Variants in SYMPK observed in about 807,000 individuals in gnomAD.
The protein encoded by SYMPK is symplekin scaffold protein, also known as symplekin.
SYMPK carries 49 observed loss-of-function variants against 136.4 expected under a neutral mutation model. The observed-to-expected ratio is 0.36, with a 90% CI of 0.29 to 0.46. The LOEUF (loss-of-function observed/expected upper bound fraction) is 0.46. Ranked by LOEUF, SYMPK falls within the 20% of genes least tolerant of loss-of-function variation. The pLI is 1.00. For missense variants in SYMPK, 1,365 were observed against 1,690.0 expected (o/e 0.81, Z 3.37); for synonymous variants, 766 against 713.0 (o/e 1.07, Z -1.19).
chr19:45,858,084 C>A (rs1054790169), intron 1 of SYMPK, among the ~76,000 whole-genome samples: 4 of 152,170 alleles, frequency 2.6e-5, no homozygotes, highest in Non-Finnish European at 4.4e-5. Context: ...CAGGTGTGAG[C>A]CACAGCGCCC....
At chr19:45,828,767 G>A (rs1971103477) in intron 14 of SYMPK, 2 of 600,604 alleles carry the variant, frequency 3.3e-6, no homozygotes, top group Non-Finnish European at 3.0e-6. Context: ...AACAGCTCAG[G>A]GAGTGCGACC....
chr19:45,831,568 A>T lies in SYMPK; in HGVS notation c.1414T>A (p.Cys472Ser). 1 of 1,607,768 alleles carries T rather than the reference A, an allele frequency of 6.2e-7. No homozygotes were observed. ...LGPGVEQTKQ[C>S]KEEPKEEKVV... Reference sequence around the variant, plus strand: ...TTCTCCTCCTTGGGCTCCTCCTTGCACTGTTTGGTCTGCTCTACACCTGAG... The same window carrying T: ...TTCTCCTCCTTGGGCTCCTCCTTGCTCTGTTTGGTCTGCTCTACACCTGAG... Residue 472 changes from cysteine to serine, a missense_variant, in exon 12 of 27, where the codon TGC (cysteine) becomes AGC (serine). By Grantham distance (112) the Cys-to-Ser change is moderately radical. This residue lies in a region of SYMPK where 46 missense variants were observed against 63.9 expected (regional missense o/e 0.72). Coordinates refer to ENST00000245934, the MANE Select transcript of SYMPK (RefSeq NM_004819.3).
At chr19:45,862,214 C>T (rs1030262703) in intron 1 of SYMPK, among the ~76,000 whole-genome samples, 2 of 152,018 alleles carry the variant, frequency 1.3e-5, no homozygotes, top group African/African-American at 4.8e-5. Context: ...ATTATAGTTT[C>T]TTTCAGCCAA....
intron 1 of SYMPK, chr19:45,855,888 A>T (rs1398495822): frequency 6.6e-6 from 1 of 152,016 alleles, no homozygotes; most frequent in Non-Finnish European, 1.5e-5. Flanking sequence ...CCAGCTACTC[A>T]GGGAGGTGAA....
chr19:45,816,361 G>C (rs956632981), intron 25 of SYMPK, 121 bp downstream of exon 25: 3 of 1,351,438 alleles, frequency 2.2e-6, no homozygotes, highest in Non-Finnish European at 3.0e-6. Flanking sequence ...GAGACGGGTG[G>C]CCCAGAGGCA....
intron 10 of SYMPK, 77 bp from the exon 11 acceptor site, chr19:45,835,305 T>C: frequency 1.4e-6 from 2 of 1,431,284 alleles, no homozygotes; most frequent in Non-Finnish European, 1.9e-6. Flanking sequence ...ATGCCAATAC[T>C]GGGGAAATGG....
At chr19:45,819,870 A>G (rs1970848721) in intron 22 of SYMPK, 1 of 152,008 alleles carries the variant, frequency 6.6e-6, no homozygotes, top group African/African-American at 2.4e-5. Flanking sequence ...AACCAGGAAG[A>G]CTGCTGGTGC....
chr19:45,834,373 C>A (rs1971252919), intron 11 of SYMPK, among the ~76,000 whole-genome samples: 1 of 151,332 alleles, frequency 6.6e-6, no homozygotes, highest in South Asian at 2.1e-4. Context: ...GCAGGAGAAT[C>A]ATTTGAACTT....
chr19:45,838,899 C>T (rs1053990796), intron 9 of SYMPK, among the ~76,000 whole-genome samples: 2 of 152,154 alleles, frequency 1.3e-5, no homozygotes, highest in African/African-American at 4.8e-5. Context: ...ATTATTATTA[C>T]TATTTTTTGA....
intron 10 of SYMPK, among the ~76,000 whole-genome samples, chr19:45,838,042 CG>C (rs1028040847): frequency 1.3e-5 from 2 of 152,122 alleles, no homozygotes; most frequent in Admixed American, 1.3e-4. Context: ...TTACAATCCC[CG>C]ATGTGGGAGG....
In SYMPK at chr19:45,845,913, T is replaced by C. The variant is rs531877976; in HGVS notation, c.677-1713A>G. ...TTAACTGGGGTGAGACATTTCATTG[T>C]AGTTTTGACTTGAACGCCACATTAT... On this transcript the variant is annotated intron_variant, in intron 7 of 26. Coordinates refer to ENST00000245934, the MANE Select transcript of SYMPK (RefSeq NM_004819.3). 4.1e-4 allele frequency among the ~76,000 whole-genome samples: 63 copies of C among 152,318 alleles called. No homozygotes were observed. The South Asian group carries it at 4.1e-3, about 10-fold the overall frequency.
rs767382080 is a variant in SYMPK, at chr19:45,830,090, C to T, written c.1713G>A (p.Arg571=). ...CGCTGCAGGCCACAGCCTTCTCAGC[C>T]CGCAGGATCCGCTTCACAGCGCCCA... ...MKLGAVKRIL[R]AEKAVACSGA... The change falls in exon 13 of 27, where the codon CGG becomes CGA. Residue 571 remains arginine, a synonymous_variant. Transcript: ENST00000245934. The T allele has an allele frequency of 1.3e-6, 2 of 1,564,422 alleles. No individual in the cohort carries two copies. Among genetic ancestry groups the T allele is most frequent in the South Asian group, 2.3e-5 (2 of 85,628 alleles).
chr19:45,821,633 A>G lies in SYMPK; in HGVS notation c.2792-148T>C. The G allele has an allele frequency of 1.5e-6, 1 of 646,556 alleles. No homozygotes were observed. Among genetic ancestry groups the G allele is most frequent in the Non-Finnish European group, 2.7e-6 (1 of 366,678 alleles). The allele number at this position is 646,556 out of a possible 1,614,324, so 40.1% of individuals were successfully genotyped here. ...TGGAACAGGGGAAGCGACTGACAAC[A>G]TAAAAAGGGGACACCGAAGGCAGCA... On this transcript the variant is annotated intron_variant, in intron 21 of 26. Coordinates refer to ENST00000245934, the MANE Select transcript of SYMPK (RefSeq NM_004819.3). This position sits in a 1 kb window ranked among gnomAD's most constrained non-coding sequence, Gnocchi z 4.4.
chr19:45,835,773 G>A (rs1372247378), intron 10 of SYMPK, among the ~76,000 whole-genome samples: 3 of 152,018 alleles, frequency 2.0e-5, no homozygotes, highest in Admixed American at 6.5e-5. Flanking sequence ...TTAGCCTGGC[G>A]CAGCAGCATG....
At chr19:45,831,223 G>A in intron 12 of SYMPK, 161 bp downstream of exon 12, 2 of 456,926 alleles carry the variant, frequency 4.4e-6, no homozygotes, top group Non-Finnish European at 7.5e-6. Context: ...AGTGGTTATG[G>A]CACTGACTCG....
At position 45,829,095 on chromosome 19, in the gene SYMPK, G is replaced by A. The variant is rs779782775; in HGVS notation, c.1860C>T (p.Phe620=). 13 of 1,614,116 alleles carry A rather than the reference G, an allele frequency of 8.1e-6. No individual in the cohort carries two copies. The highest frequency in any genetic ancestry group is 1.6e-4 in the Middle Eastern group (1 of 6,084). ...EDVRARLDLA[F]AWLYQEYNAY... ...CGTTGTACTCCTGGTAGAGCCAGGC[G>A]AAGGCCAGGTCCAGGCGGGCCCGCA... Residue 620 remains phenylalanine (F), a synonymous_variant, in exon 14 of 27, where the codon TTC becomes TTT. Coordinates refer to ENST00000245934, the MANE Select transcript of SYMPK (RefSeq NM_004819.3).
At chr19:45,828,592 G>A (rs540768706) in intron 14 of SYMPK, 7 of 236,860 alleles carry the variant, frequency 3.0e-5, no homozygotes, top group African/African-American at 6.8e-5. Context: ...TGGAGGCCAC[G>A]GATAGGGAGG....
chr19:45,850,817 G>A (rs1311609807), intron 5 of SYMPK, among the ~76,000 whole-genome samples: 2 of 152,090 alleles, frequency 1.3e-5, no homozygotes, highest in African/African-American at 2.4e-5. Flanking sequence ...GAAGAATCAA[G>A]GTTATTTCAA....
At chr19:45,848,468 CTG>C (rs763552409) in intron 6 of SYMPK, among the ~76,000 whole-genome samples, 1 of 152,212 alleles carries the variant, frequency 6.6e-6, no homozygotes, top group Non-Finnish European at 1.5e-5. Flanking sequence ...TTGGTCACTG[CTG>C]TGTCCCCAGC....
Sources: gnomAD v4.1 joint callset for allele counts (sites outside exome capture counted in the v4.1 genomes callset) on GRCh38, gnomAD v4.1.1 for gene constraint, gnomAD v4.1.1 regional missense constraint, Gnocchi (gnomAD v3.1) non-coding constraint, MANE v1.5 for transcripts, NCBI Gene and HGNC (gene_info 2026-07-23, HGNC 2026-07-21) for gene names.